The following CSGALNACT2 variants were observed in gnomAD, a reference collection of about 807,000 sequenced individuals.
The protein encoded by CSGALNACT2 is chondroitin sulfate N-acetylgalactosaminyltransferase 2.
CSGALNACT2 carries 35 observed loss-of-function variants against 55.3 expected under a neutral mutation model. The ratio of observed to expected loss-of-function variants is 0.63; its 90% confidence interval spans 0.48 to 0.84. The LOEUF (loss-of-function observed/expected upper bound fraction) is 0.84, where lower values mean the gene tolerates loss of function less well. CSGALNACT2 is among the 40% of genes least tolerant of loss of function. CSGALNACT2 has a pLI of 0.00. For synonymous variants in CSGALNACT2, 196 were observed against 224.9 expected, an observed-to-expected ratio of 0.87 and a Z score of 1.15; for missense variants, 544 against 657.5, an observed-to-expected ratio of 0.83 and a Z score of 1.89.
chr10:43,167,190 CTG>C (rs1331832344), intron 6 of CSGALNACT2, 92 bp downstream of exon 6: 1 of 820,192 alleles, frequency 1.2e-6, no homozygotes, highest in African/African-American at 1.7e-5. Flanking sequence ...CAATAAAAAA[CTG>C]TATTTCCATG....
intron 6 of CSGALNACT2, among the ~76,000 whole-genome samples, chr10:43,170,308 C>T (rs1417306114): frequency 2.6e-5 from 4 of 152,094 alleles, no homozygotes; most frequent in Non-Finnish European, 4.4e-5. Context: ...TCCAATCAAA[C>T]GAGCCAGAGG....
intron 1 of CSGALNACT2, among the ~76,000 whole-genome samples, chr10:43,141,637 A>C (rs1471508965): frequency 1.3e-5 from 2 of 151,098 alleles, no homozygotes; most frequent in Admixed American, 1.3e-4. Context: ...AAAAAAAAAA[A>C]AAAAAAAAAA....
At chr10:43,157,708 T>C (rs1393862423) in intron 2 of CSGALNACT2, among the ~76,000 whole-genome samples, 1 of 152,102 alleles carries the variant, frequency 6.6e-6, no homozygotes, top group Non-Finnish European at 1.5e-5. Flanking sequence ...AGGTCTAACC[T>C]TCTTCTCTCT....
At chr10:43,142,264 TGCAGTG>T (rs909691683) in intron 1 of CSGALNACT2, among the ~76,000 whole-genome samples, 9 of 152,120 alleles carry the variant, frequency 5.9e-5, no homozygotes, top group African/African-American at 7.2e-5. Flanking sequence ...CAGGCTGGAG[TGCAGTG>T]GCGTGATCTT....
chr10:43,155,339 C>T lies in CSGALNACT2; in HGVS notation c.190C>T (p.Gln64Ter). The T allele has an allele frequency of 6.2e-7, 1 of 1,614,120 alleles. No homozygotes were observed. The highest frequency in any genetic ancestry group is 2.2e-5 in the East Asian group (1 of 44,888). ...GTATTATCAAGCCCTCCTACAGGAA[C>T]AAGAAGAACATTATCAGACCAGGGC... The part of the protein sequence containing the change: ...KEYYQALLQE[Q>*]EEHYQTRATS... The change falls in exon 2 of 8, where the codon CAA (glutamine) becomes TAA (stop). Residue 64 changes from glutamine (Q) to a stop codon, truncating the protein, a stop_gained. Coordinates refer to ENST00000374466, the MANE Select transcript of CSGALNACT2 (RefSeq NM_018590.5). LOFTEE classifies it high-confidence loss of function.
At chr10:43,152,768 TTAAAG>T (rs925088629) in intron 1 of CSGALNACT2, among the ~76,000 whole-genome samples, 5 of 152,190 alleles carry the variant, frequency 3.3e-5, no homozygotes, top group Admixed American at 6.5e-5. Context: ...TCTTTATTAA[TTAAAG>T]TATGTATATC....
chr10:43,167,201 T>C, intron 6 of CSGALNACT2, 103 bp downstream of exon 6: 1 of 726,100 alleles, frequency 1.4e-6, no homozygotes, highest in Non-Finnish European at 2.4e-6. Flanking sequence ...TGTATTTCCA[T>C]GAGCAAAGTG....
intron 3 of CSGALNACT2, among the ~76,000 whole-genome samples, 183 bp from the exon 4 acceptor site, chr10:43,160,311 C>T (rs1307755633): frequency 2.0e-5 from 3 of 152,188 alleles, no homozygotes; most frequent in Non-Finnish European, 4.4e-5. Context: ...CATGGCCCTC[C>T]AAGGGGTGCA....
rs1216608560 is a variant in CSGALNACT2, at chr10:43,183,240, G to T, written c.1337-10G>T. 3 of 1,605,472 alleles carry T rather than the reference G, an allele frequency of 1.9e-6. No individual in the cohort carries two copies. Among genetic ancestry groups the T allele is most frequent in the Non-Finnish European group, 2.6e-6 (3 of 1,172,254 alleles). On this transcript the variant is annotated splice_polypyrimidine_tract_variant and intron_variant, in intron 7 of 7. Transcript: ENST00000374466. ...GGCAGTTATTTATAGTGTCAATTTT[G>T]ATCTTACAGGTGGATTTGACATGGA...
intron 1 of CSGALNACT2, among the ~76,000 whole-genome samples, chr10:43,153,301 C>T (rs1838919486): frequency 8.2e-6 from 1 of 121,600 alleles, no homozygotes; most frequent in Non-Finnish European, 1.6e-5. Flanking sequence ...CGCCACTGCA[C>T]TGCAGCCTGG....
At chr10:43,162,730 C>A (rs1241744796) in intron 4 of CSGALNACT2, 1 of 970,572 alleles carries the variant, frequency 1.0e-6, no homozygotes, top group African/African-American at 1.8e-5. Context: ...GCCAGAGTCA[C>A]CAGGAGGACT....
intron 1 of CSGALNACT2, among the ~76,000 whole-genome samples, chr10:43,141,342 C>G (rs368353288): frequency 1.3e-5 from 2 of 151,986 alleles, no homozygotes; most frequent in African/African-American, 4.8e-5. Context: ...CTCAGCCTCC[C>G]GAGTAGCTGG....
intron 4 of CSGALNACT2, among the ~76,000 whole-genome samples, chr10:43,160,983 C>G (rs1173973087): frequency 6.6e-6 from 1 of 152,072 alleles, no homozygotes. Flanking sequence ...TTGAGGTCTC[C>G]CATATCCTTA....
At chr10:43,174,713 A>G (rs1564520442) in intron 6 of CSGALNACT2, among the ~76,000 whole-genome samples, 1 of 152,166 alleles carries the variant, frequency 6.6e-6, no homozygotes, top group Non-Finnish European at 1.5e-5. Flanking sequence ...GCAGCTTCCC[A>G]TCCCTAGTTA....
intron 7 of CSGALNACT2, among the ~76,000 whole-genome samples, chr10:43,178,155 T>A (rs1839516560): frequency 6.6e-6 from 1 of 152,208 alleles, no homozygotes; most frequent in Admixed American, 6.5e-5. Context: ...TTCATCAAAT[T>A]TGGGAAGTTT....
chr10:43,143,147 T>C (rs910643020), intron 1 of CSGALNACT2, among the ~76,000 whole-genome samples: 1 of 152,234 alleles, frequency 6.6e-6, no homozygotes, highest in African/African-American at 2.4e-5. Context: ...ATTCAGGCCA[T>C]CTGGCTCCCA....
At position 43,143,493 on chromosome 10, in the gene CSGALNACT2, ATGTGTGTGTGTGTGTGTGTG is replaced by A. The variant is rs3983257; in HGVS notation, c.-254+4951_-254+4970del. On this transcript the variant is annotated intron_variant, in intron 1 of 7. Transcript: ENST00000374466. ...TTTAAATCAAGTTTGCTCTCCAAAA[ATGTGTGTGTGTGTGTGTGTG>A]TGTGTGTGTGTGTGTGTGTGTGTGG... Among the ~76,000 whole-genome samples the A allele has an allele frequency of 5.6e-5, 8 of 141,874 alleles. No individual in the cohort carries two copies. In the East Asian group the frequency reaches 6.2e-4, roughly 11 times the overall value. The allele number at this position is 141,874 out of a possible 152,430, so 93.1% of individuals were successfully genotyped here.
chr10:43,147,426 A>G (rs1838782088), intron 1 of CSGALNACT2, among the ~76,000 whole-genome samples: 1 of 152,212 alleles, frequency 6.6e-6, no homozygotes, highest in Non-Finnish European at 1.5e-5. Flanking sequence ...TATTTTCTCC[A>G]GGTCCATCAC....
chr10:43,177,080 C>T (rs974240948), intron 7 of CSGALNACT2, among the ~76,000 whole-genome samples: 3 of 152,136 alleles, frequency 2.0e-5, no homozygotes, highest in African/African-American at 7.2e-5. Flanking sequence ...CACCTTGTCT[C>T]CTTATCATTG....
Sources: gnomAD v4.1 joint callset for allele counts (sites outside exome capture counted in the v4.1 genomes callset) on GRCh38, gnomAD v4.1.1 for gene constraint, MANE v1.5 for transcripts, NCBI Gene and HGNC (gene_info 2026-07-23, HGNC 2026-07-21) for gene names.